Variants in RAP1GDS1 observed in about 807,000 individuals in gnomAD.
The protein encoded by RAP1GDS1 is Rap1 GTPase-GDP dissociation stimulator 1, also known as RAP1, GTP-GDP dissociation stimulator 1.
Under a neutral mutation model 71.1 loss-of-function variants are expected in RAP1GDS1, and 35 were observed. The ratio of observed to expected loss-of-function variants is 0.49; its 90% CI spans 0.38 to 0.65. The LOEUF (loss-of-function observed/expected upper bound fraction) is 0.65, where lower values mean the gene tolerates loss of function less well. Among genes scored for constraint, RAP1GDS1 ranks in the 30% least tolerant of loss-of-function variants. RAP1GDS1 has a pLI of 0.00. For synonymous variants in RAP1GDS1, 229 were observed against 243.1 expected, an observed-to-expected ratio of 0.94 and a Z score of 0.54; for missense variants, 663 against 706.1, an observed-to-expected ratio of 0.94 and a Z score of 0.69.
chr4:98,340,210 G>A (rs781420199), intron 2 of RAP1GDS1, among the ~76,000 whole-genome samples: 9 of 152,074 alleles, frequency 5.9e-5, no homozygotes, highest in Non-Finnish European at 1.2e-4. Flanking sequence ...ATCATTCTAC[G>A]ATAAAGACAC....
At chr4:98,327,765 A>C (rs553895837) in intron 2 of RAP1GDS1, among the ~76,000 whole-genome samples, 121 of 152,172 alleles carry the variant, frequency 8.0e-4, no homozygotes, top group African/African-American at 2.8e-3. Flanking sequence ...TCAGTGTTAA[A>C]ATTTTTCTAG....
intron 14 of RAP1GDS1, chr4:98,441,616 G>T (rs1001487923): frequency 1.0e-6 from 1 of 984,266 alleles, no homozygotes; most frequent in African/African-American, 1.8e-5. Flanking sequence ...TAAAAATTGG[G>T]CAAGTAGCTG....
chr4:98,366,495 C>T (rs898719696), intron 4 of RAP1GDS1, among the ~76,000 whole-genome samples: 4 of 151,962 alleles, frequency 2.6e-5, no homozygotes, highest in Non-Finnish European at 5.9e-5. Context: ...AAAAGATACC[C>T]GAAAATGTGG....
intron 12 of RAP1GDS1, among the ~76,000 whole-genome samples, chr4:98,430,016 A>C (rs1750170524): frequency 6.6e-6 from 1 of 152,134 alleles, no homozygotes; most frequent in Non-Finnish European, 1.5e-5. Context: ...TAAATGCTAT[A>C]ATATTTAATA....
At chr4:98,284,413 A>T (rs1217016763) in intron 1 of RAP1GDS1, among the ~76,000 whole-genome samples, 1 of 152,206 alleles carries the variant, frequency 6.6e-6, no homozygotes, top group South Asian at 2.1e-4. Context: ...CTAAAAATAT[A>T]ATCGTTTTTA....
At chr4:98,388,358 A>G (rs910025770) in intron 5 of RAP1GDS1, among the ~76,000 whole-genome samples, 13 of 152,020 alleles carry the variant, frequency 8.6e-5, no homozygotes, top group Non-Finnish European at 1.9e-4. Flanking sequence ...TCCTGTTATC[A>G]CTTCTGCTAA....
intron 7 of RAP1GDS1, among the ~76,000 whole-genome samples, chr4:98,413,586 A>G (rs1578794808): frequency 6.6e-6 from 1 of 151,468 alleles, no homozygotes. Flanking sequence ...TCCATGGTGT[A>G]TATGTGCCAC....
At chr4:98,417,945 G>C (rs1371421613) in intron 9 of RAP1GDS1, among the ~76,000 whole-genome samples, 1 of 152,022 alleles carries the variant, frequency 6.6e-6, no homozygotes, top group Non-Finnish European at 1.5e-5. Context: ...TAATGTTTCA[G>C]GGGGCGCCAG....
intron 12 of RAP1GDS1, among the ~76,000 whole-genome samples, chr4:98,423,071 A>G (rs560485855): frequency 3.9e-5 from 6 of 152,260 alleles, no homozygotes; most frequent in Non-Finnish European, 5.9e-5. Flanking sequence ...GGAATTAACT[A>G]TCCGTTGAGG....
intron 8 of RAP1GDS1, 137 bp downstream of exon 8, chr4:98,417,025 C>A: frequency 1.0e-6 from 1 of 994,332 alleles, no homozygotes; most frequent in Non-Finnish European, 1.5e-6. Context: ...ATTTTGACAT[C>A]TTAAACATGC....
intron 2 of RAP1GDS1, among the ~76,000 whole-genome samples, chr4:98,294,528 A>G (rs945800725): frequency 5.3e-5 from 8 of 152,148 alleles, no homozygotes; most frequent in Non-Finnish European, 5.9e-5. Flanking sequence ...GAGATTTGAA[A>G]CAAGGAGTTC....
chr4:98,405,603 C>T (rs960699244), intron 7 of RAP1GDS1, among the ~76,000 whole-genome samples: 2 of 151,728 alleles, frequency 1.3e-5, no homozygotes, highest in African/African-American at 4.8e-5. Flanking sequence ...ATGAAAAATG[C>T]AAAGATCCAA....
At chr4:98,395,233 A>G (rs1426267427) in intron 6 of RAP1GDS1, among the ~76,000 whole-genome samples, 1 of 152,164 alleles carries the variant, frequency 6.6e-6, no homozygotes, top group South Asian at 2.1e-4. Context: ...TTTACTATAT[A>G]TATAATAGGC....
At chr4:98,271,448 C>T (rs879134596) in intron 1 of RAP1GDS1, among the ~76,000 whole-genome samples, 2 of 152,098 alleles carry the variant, frequency 1.3e-5, no homozygotes, top group Admixed American at 1.3e-4. Context: ...TGGCTCATTT[C>T]AAGCCGCTAA....
At chr4:98,416,084 A>G (rs573340618) in intron 7 of RAP1GDS1, among the ~76,000 whole-genome samples, 9 of 151,848 alleles carry the variant, frequency 5.9e-5, no homozygotes, top group Admixed American at 2.0e-4. Context: ...GCCCAGCCCT[A>G]TTTTATAGTA....
At chr4:98,400,540 A>C (rs906255856) in intron 6 of RAP1GDS1, among the ~76,000 whole-genome samples, 8 of 139,216 alleles carry the variant, frequency 5.7e-5, no homozygotes, top group Non-Finnish European at 7.5e-5. Flanking sequence ...AAAAAAAAAA[A>C]AAAAAAACGG....
intron 12 of RAP1GDS1, 38 bp downstream of exon 12, chr4:98,421,432 G>C (rs375996283): frequency 8.7e-5 from 133 of 1,532,450 alleles, no homozygotes; most frequent in Non-Finnish European, 5.9e-5. Context: ...GAAAACTTCA[G>C]AGTGTCTTTT....
chr4:98,374,608 G>T (rs1003816779), intron 4 of RAP1GDS1, among the ~76,000 whole-genome samples: 2 of 152,136 alleles, frequency 1.3e-5, no homozygotes, highest in Non-Finnish European at 2.9e-5. Context: ...GGAATTGAGC[G>T]CACTTCCTTT....
chr4:98,441,657 C>T (rs1751883551), intron 14 of RAP1GDS1: 1 of 952,644 alleles, frequency 1.0e-6, no homozygotes, highest in Admixed American at 6.2e-5. Flanking sequence ...ATCCCAGCTA[C>T]TTGGGAGACT....
Sources: gnomAD v4.1 joint callset for allele counts (sites outside exome capture counted in the v4.1 genomes callset) on GRCh38, gnomAD v4.1.1 for gene constraint, MANE v1.5 for transcripts, NCBI Gene and HGNC (gene_info 2026-07-23, HGNC 2026-07-21) for gene names.